The following ANGPTL2 variants were observed in gnomAD, a reference collection of about 807,000 sequenced individuals.
ANGPTL2 encodes angiopoietin like 2.
Under a neutral mutation model 52.8 loss-of-function variants are expected in ANGPTL2, and 25 were observed. The ratio of observed to expected loss-of-function variants is 0.47; its 90% CI spans 0.35 to 0.66. The LOEUF (loss-of-function observed/expected upper bound fraction) is 0.66. Ranked by LOEUF, ANGPTL2 falls within the 30% of genes least tolerant of loss-of-function variation. ANGPTL2 has a pLI of 0.01. For synonymous variants in ANGPTL2, 276 were observed against 277.4 expected, an observed-to-expected ratio of 1.00 and a Z score of 0.05; for missense variants, 546 against 656.9, an observed-to-expected ratio of 0.83 and a Z score of 1.84.
intron 2 of ANGPTL2, among the ~76,000 whole-genome samples, chr9:127,097,358 TCTG>T (rs2053247207): frequency 6.6e-6 from 1 of 152,268 alleles, no homozygotes; most frequent in Non-Finnish European, 1.5e-5. Context: ...TTTAGTATTT[TCTG>T]CTGTTACAAA....
At chr9:127,096,654 A>C (rs2053175050) in intron 2 of ANGPTL2, among the ~76,000 whole-genome samples, 1 of 152,106 alleles carries the variant, frequency 6.6e-6, no homozygotes, top group South Asian at 2.1e-4. Context: ...AGTGTTTTTA[A>C]ATGTTTTGGG....
intron 1 of ANGPTL2, among the ~76,000 whole-genome samples, chr9:127,120,787 C>CA (rs767226493): frequency 1.6e-4 from 24 of 151,322 alleles, no homozygotes; most frequent in Middle Eastern, 3.2e-3. Context: ...GAGATCATGC[C>CA]ACTGCACTCC....
At chr9:127,094,094 A>G (rs2052826670) in intron 2 of ANGPTL2, among the ~76,000 whole-genome samples, 168 bp from the exon 3 acceptor site, 1 of 152,198 alleles carries the variant, frequency 6.6e-6, no homozygotes, top group Non-Finnish European at 1.5e-5. Context: ...GTAATTATAA[A>G]GACAAGAGCC....
chr9:127,100,805 A>T (rs2053647252), intron 2 of ANGPTL2, among the ~76,000 whole-genome samples: 1 of 152,238 alleles, frequency 6.6e-6, no homozygotes, highest in Non-Finnish European at 1.5e-5. Flanking sequence ...ACCCTTTCCA[A>T]GGAAGGGATC....
At chr9:127,093,611 G>T (rs980707014) in intron 3 of ANGPTL2, 122 bp downstream of exon 3, 4 of 1,228,964 alleles carry the variant, frequency 3.3e-6, no homozygotes, top group Admixed American at 4.4e-5. Context: ...TGTTGGGGCC[G>T]CACAGGCCTG....
chr9:127,116,000 G>A (rs991135431), intron 1 of ANGPTL2, among the ~76,000 whole-genome samples: 8 of 152,184 alleles, frequency 5.3e-5, no homozygotes, highest in Non-Finnish European at 1.0e-4. Flanking sequence ...GGGGAGTCTG[G>A]AGTCAATTCC....
intron 1 of ANGPTL2, among the ~76,000 whole-genome samples, chr9:127,118,865 T>G (rs1255927486): frequency 6.6e-6 from 1 of 152,244 alleles, no homozygotes; most frequent in African/African-American, 2.4e-5. Flanking sequence ...CTGTCTGTTA[T>G]GTTTGTTCTA....
chr9:127,094,050 G>A (rs1442102891), intron 2 of ANGPTL2, 124 bp from the exon 3 acceptor site: 2 of 1,081,986 alleles, frequency 1.8e-6, no homozygotes, highest in East Asian at 5.1e-5. Flanking sequence ...CCCACGGTCT[G>A]AGGTAACCAA....
At chr9:127,118,958 C>T (rs2055749734) in intron 1 of ANGPTL2, among the ~76,000 whole-genome samples, 1 of 152,206 alleles carries the variant, frequency 6.6e-6, no homozygotes, top group South Asian at 2.1e-4. Context: ...AGGACCTGAG[C>T]TCTGATTCTT....
At chr9:127,107,462 T>G (rs1230503689) in intron 2 of ANGPTL2, among the ~76,000 whole-genome samples, 1 of 152,218 alleles carries the variant, frequency 6.6e-6, no homozygotes. Flanking sequence ...TACAATGTGT[T>G]TATCATATTC....
intron 1 of ANGPTL2, among the ~76,000 whole-genome samples, chr9:127,111,356 C>T (rs943164422): frequency 1.1e-4 from 17 of 152,220 alleles, no homozygotes; most frequent in African/African-American, 4.1e-4. Context: ...CCTCCCCGTT[C>T]CCTTGAATGC....
At chr9:127,110,849 C>T (rs1389090120) in intron 1 of ANGPTL2, among the ~76,000 whole-genome samples, 5 of 152,152 alleles carry the variant, frequency 3.3e-5, no homozygotes, top group Admixed American at 1.3e-4. Context: ...TGTTGCAACC[C>T]ACCTGCATCA....
chr9:127,089,410 C>T (rs906905618), intron 4 of ANGPTL2, among the ~76,000 whole-genome samples: 2 of 152,284 alleles, frequency 1.3e-5, no homozygotes, highest in African/African-American at 2.4e-5. Flanking sequence ...ATAAAAATGA[C>T]GCCTGCCGCA....
chr9:127,089,245 A>G (rs975489672), intron 4 of ANGPTL2, 107 bp from the exon 5 acceptor site: 20 of 1,221,916 alleles, frequency 1.6e-5, no homozygotes, highest in Middle Eastern at 2.7e-4. Flanking sequence ...CATCTGGAGC[A>G]AGAACGCTTG....
chr9:127,117,188 A>G (rs1280739212), intron 1 of ANGPTL2, among the ~76,000 whole-genome samples: 2 of 152,182 alleles, frequency 1.3e-5, no homozygotes, highest in East Asian at 3.9e-4. Context: ...CCATGAAGCC[A>G]TCCATTCAGT....
intron 2 of ANGPTL2, among the ~76,000 whole-genome samples, chr9:127,103,764 G>A (rs1248847619): frequency 6.6e-6 from 1 of 152,184 alleles, no homozygotes; most frequent in Non-Finnish European, 1.5e-5. Context: ...TTGGAACGTG[G>A]TACCAGGAAG....
intron 2 of ANGPTL2, among the ~76,000 whole-genome samples, chr9:127,098,302 T>G (rs1371865657): frequency 6.6e-6 from 1 of 152,228 alleles, no homozygotes; most frequent in Admixed American, 6.5e-5. Context: ...TAGCGGTGTT[T>G]AACTTGGCGC....
chr9:127,116,250 G>A (rs1027728594), intron 1 of ANGPTL2, among the ~76,000 whole-genome samples: 1 of 152,024 alleles, frequency 6.6e-6, no homozygotes, highest in Non-Finnish European at 1.5e-5. Context: ...TCCTGCCATT[G>A]GTGAATTGCT....
intron 2 of ANGPTL2, among the ~76,000 whole-genome samples, chr9:127,105,252 T>C (rs1589500774): frequency 6.6e-6 from 1 of 152,238 alleles, no homozygotes; most frequent in East Asian, 1.9e-4. Context: ...ATTCCAGTTA[T>C]CTCTGTGATG....
Sources: allele counts gnomAD v4.1 joint callset (sites outside exome capture counted in the v4.1 genomes callset), GRCh38; gene constraint gnomAD v4.1.1; transcripts MANE v1.5; gene names NCBI Gene and HGNC (gene_info 2026-07-23, HGNC 2026-07-21).